CACNA2D3: variants seen among roughly 807,000 people sequenced by gnomAD.
CACNA2D3 encodes calcium voltage-gated channel auxiliary subunit alpha2delta 3, also known as voltage-dependent calcium channel subunit alpha-2/delta-3.
CACNA2D3 carries 60 observed loss-of-function variants against 160.6 expected under a neutral mutation model. The observed-to-expected ratio is 0.37, with a 90% CI of 0.30 to 0.46. The LOEUF (loss-of-function observed/expected upper bound fraction) is 0.46, where lower values mean the gene tolerates loss of function less well. CACNA2D3 is among the 20% of genes least tolerant of loss of function. The pLI, the probability that CACNA2D3 is intolerant of heterozygous loss-of-function variation, is 1.00. For missense variants in CACNA2D3, 1,205 were observed against 1,365.0 expected (o/e 0.88, Z 1.85); for synonymous variants, 558 against 492.9 (o/e 1.13, Z -1.75).
chr3:54,246,522 A>G (rs1254497671), intron 2 of CACNA2D3, among the ~76,000 whole-genome samples: 2 of 151,764 alleles, frequency 1.3e-5, no homozygotes, highest in African/African-American at 4.8e-5. Context: ...GCGAAACTCC[A>G]TCTCTACTAA....
intron 9 of CACNA2D3, among the ~76,000 whole-genome samples, chr3:54,584,959 C>G (rs781252264): frequency 5.9e-5 from 9 of 152,138 alleles, no homozygotes; most frequent in Non-Finnish European, 1.3e-4. Flanking sequence ...TAAAGGCATT[C>G]TCAATGGAAG....
At chr3:54,625,143 C>A (rs991056406) in intron 9 of CACNA2D3, among the ~76,000 whole-genome samples, 13 of 152,138 alleles carry the variant, frequency 8.5e-5, no homozygotes, top group Non-Finnish European at 7.3e-5. Flanking sequence ...CATTCCTCTC[C>A]CCCATCACTC....
chr3:54,990,399 T>C (rs1289772456), intron 31 of CACNA2D3, among the ~76,000 whole-genome samples: 2 of 152,084 alleles, frequency 1.3e-5, no homozygotes, highest in Non-Finnish European at 2.9e-5. Flanking sequence ...GGCATGGTGG[T>C]GTGTGCCCAT....
At chr3:55,067,773 A>C (rs769111990) in intron 35 of CACNA2D3, among the ~76,000 whole-genome samples, 1 of 151,718 alleles carries the variant, frequency 6.6e-6, no homozygotes, top group Non-Finnish European at 1.5e-5. Context: ...ATATATAAAG[A>C]ATTTATAGAA....
intron 4 of CACNA2D3, among the ~76,000 whole-genome samples, chr3:54,477,381 T>C (rs971332814): frequency 6.6e-6 from 1 of 152,060 alleles, no homozygotes; most frequent in African/African-American, 2.4e-5. Context: ...ATATTTATCC[T>C]CCGGAGCAGA....
intron 9 of CACNA2D3, among the ~76,000 whole-genome samples, chr3:54,613,556 C>A (rs756212522): frequency 2.6e-5 from 4 of 152,224 alleles, no homozygotes; most frequent in Non-Finnish European, 5.9e-5. Flanking sequence ...GCTGAGAAGG[C>A]TTTCTATCCC....
intron 27 of CACNA2D3, among the ~76,000 whole-genome samples, chr3:54,911,320 G>A (rs1176920286): frequency 6.7e-5 from 5 of 74,650 alleles, no homozygotes; most frequent in Non-Finnish European, 1.3e-4. Flanking sequence ...CCCCCTCCCC[G>A]CTTCTCCTCC....
At chr3:54,428,530 C>A (rs1559478781) in intron 4 of CACNA2D3, among the ~76,000 whole-genome samples, 2 of 151,610 alleles carry the variant, frequency 1.3e-5, no homozygotes, top group Admixed American at 6.6e-5. Flanking sequence ...TAAAAAAAGT[C>A]TTTAAAAATG....
chr3:54,296,611 A>G (rs913488270), intron 2 of CACNA2D3, among the ~76,000 whole-genome samples: 1 of 152,222 alleles, frequency 6.6e-6, no homozygotes, highest in Admixed American at 6.5e-5. Flanking sequence ...GGATGTGTAC[A>G]CGATATGATA....
intron 14 of CACNA2D3, 133 bp from the exon 15 acceptor site, chr3:54,837,026 C>CT: frequency 1.3e-6 from 1 of 747,702 alleles, no homozygotes; most frequent in South Asian, 1.6e-5. Context: ...CCGCGCTCCA[C>CT]TAAAGGCTTG....
chr3:54,403,168 C>A (rs1273032160), intron 4 of CACNA2D3, among the ~76,000 whole-genome samples: 1 of 151,716 alleles, frequency 6.6e-6, no homozygotes, highest in East Asian at 1.9e-4. Context: ...CCAGCTTGGG[C>A]AACAAGTGAG....
At chr3:54,916,217 G>A (rs558458301) in intron 27 of CACNA2D3, among the ~76,000 whole-genome samples, 1 of 152,326 alleles carries the variant, frequency 6.6e-6, no homozygotes, top group East Asian at 1.9e-4. Flanking sequence ...ACGGTACACG[G>A]TGTGAGCTCT....
chr3:54,924,736 G>C, intron 27 of CACNA2D3: 2 of 1,614,136 alleles, frequency 1.2e-6, no homozygotes, highest in Middle Eastern at 1.6e-4. Context: ...AGGAGCGCTC[G>C]ATCAAGCTGC....
In CACNA2D3 at chr3:54,739,442, C is replaced by CAA. The variant is rs1225022879; in HGVS notation, c.1168-13147_1168-13146dup. 2.6e-5 allele frequency among the ~76,000 whole-genome samples: 3 copies of CAA among 113,388 alleles called. No homozygotes were observed. In the Admixed American group the frequency reaches 2.7e-4, roughly 10 times the overall value. 74.4% of individuals were successfully genotyped at this position (113,388 alleles called of 152,430 possible). On this transcript the variant is annotated intron_variant, in intron 11 of 37. Coordinates refer to ENST00000474759, the MANE Select transcript of CACNA2D3 (RefSeq NM_018398.3). The stretch of plus-strand genomic sequence containing the variant: ...CTCTGTCTCAAAAAAAAAAAAAAAA[C>CAA]AAAAAAAAAAACCACACACACACAC...
chr3:54,562,685 C>T lies in CACNA2D3; in HGVS notation c.545-115C>T, dbSNP rs572405876. The stretch of plus-strand genomic sequence containing the variant: ...TTTGTGGCTATAACTTCCTTCATAG[C>T]CTCCTGCAAGATGGAGTACCTTGTG... On this transcript the variant is annotated intron_variant, in intron 5 of 37. Transcript: ENST00000474759. 258 of 843,928 alleles carry T rather than the reference C, an allele frequency of 3.1e-4. 2 individuals are homozygous for T. In the South Asian group the frequency reaches 4.0e-3, roughly 13 times the overall value. 52.3% of individuals were successfully genotyped at this position (843,928 alleles called of 1,614,324 possible).
intron 13 of CACNA2D3, among the ~76,000 whole-genome samples, chr3:54,801,893 A>G (rs748590371): frequency 6.6e-6 from 1 of 152,204 alleles, no homozygotes; most frequent in Non-Finnish European, 1.5e-5. Flanking sequence ...ATAATACCCA[A>G]TTTCATAAAA....
intron 2 of CACNA2D3, among the ~76,000 whole-genome samples, chr3:54,203,280 G>C (rs1202158160): frequency 6.6e-6 from 1 of 152,136 alleles, no homozygotes; most frequent in Non-Finnish European, 1.5e-5. Context: ...TGGGGGTGTG[G>C]CTCGCTTCTT....
At chr3:54,990,016 G>C (rs1261365945) in intron 31 of CACNA2D3, among the ~76,000 whole-genome samples, 1 of 152,116 alleles carries the variant, frequency 6.6e-6, no homozygotes, top group African/African-American at 2.4e-5. Flanking sequence ...GGATATAGTT[G>C]GCTGTAACTG....
chr3:55,031,826 G>T (rs184097687), intron 35 of CACNA2D3, among the ~76,000 whole-genome samples: 2 of 152,176 alleles, frequency 1.3e-5, no homozygotes, highest in African/African-American at 4.8e-5. Context: ...ATAATTAGAG[G>T]TGTAGATGAT....
Sources: allele counts gnomAD v4.1 joint callset (sites outside exome capture counted in the v4.1 genomes callset), GRCh38; gene constraint gnomAD v4.1.1; transcripts MANE v1.5; gene names NCBI Gene and HGNC (gene_info 2026-07-23, HGNC 2026-07-21).